CPA5: variants seen among roughly 807,000 people sequenced by gnomAD.
CPA5 encodes carboxypeptidase A5.
In CPA5, 38 loss-of-function variants were observed where a neutral mutation model predicts 52.2. That is an observed-to-expected ratio of 0.73 (90% CI 0.56 to 0.95). The LOEUF is 0.95. CPA5 is among the 40% of genes least tolerant of loss of function. The probability of loss-of-function intolerance (pLI) is 0.00; values close to 1 mark genes in which losing one functional copy is unlikely to be tolerated. For synonymous variants in CPA5, 198 were observed against 213.7 expected (o/e 0.93, Z 0.64); for missense variants, 519 against 566.7 (o/e 0.92, Z 0.86).
intron 5 of CPA5, among the ~76,000 whole-genome samples, chr7:130,350,400 G>A (rs782235903): frequency 2.6e-5 from 4 of 152,186 alleles, no homozygotes; most frequent in Non-Finnish European, 4.4e-5. Flanking sequence ...GGGGAGAAGG[G>A]AGACAGGAGG....
chr7:130,347,353 C>T (rs1584784363), intron 3 of CPA5, among the ~76,000 whole-genome samples: 1 of 152,336 alleles, frequency 6.6e-6, no homozygotes, highest in African/African-American at 2.4e-5. Context: ...GGCCCCCTCG[C>T]GAAGAGCCCT....
At position 130,352,700 on chromosome 7, in the gene CPA5, T is replaced by G. The variant is rs918222; in HGVS notation, c.333+2591T>G. Among the ~76,000 whole-genome samples the G allele has an allele frequency of 1.4e-4, 21 of 152,224 alleles. No individual in the cohort carries two copies. The East Asian group carries it at 2.5e-3, about 18-fold the overall frequency. ...CCACCCTGACAGTGACAGTGTTGAG[T>G]TGGGGACAGGACCAGGGAGAGACTG... On this transcript the variant is annotated intron_variant, in intron 5 of 12. Transcript: ENST00000474905.
intron 5 of CPA5, among the ~76,000 whole-genome samples, chr7:130,354,117 G>T (rs1455905764): frequency 1.3e-5 from 2 of 151,966 alleles, no homozygotes; most frequent in Non-Finnish European, 2.9e-5. Flanking sequence ...TTGTAGAGAT[G>T]GGGTCTGATT....
chr7:130,350,158 T>C (rs782349850), intron 5 of CPA5, 49 bp downstream of exon 5: 1 of 1,582,250 alleles, frequency 6.3e-7, no homozygotes, highest in East Asian at 2.3e-5. Context: ...TCCTTTCTGG[T>C]TGGGGCCCAA....
At position 130,361,236 on chromosome 7, in the gene CPA5, G is replaced by A; in HGVS notation, c.526G>A (p.Val176Ile). The A allele has an allele frequency of 6.2e-7, 1 of 1,610,954 alleles. No individual in the cohort carries two copies. The highest frequency in any genetic ancestry group is 8.5e-7 in the Non-Finnish European group (1 of 1,177,152). The change falls in exon 7 of 13, where the codon GTC (valine) becomes ATC (isoleucine). Residue 176 changes from valine to isoleucine, a missense_variant. By Grantham distance (29) the Val-to-Ile change is conservative. Transcript: ENST00000474905. ...CAGCTTTGAAAACCAGTCCATTCTT[G>A]TCCTGAAGGTAAAAGCCCACAATGT... ...GNSFENQSIL[V>I]LKFSTGGSRH...
rs782329781 is a variant in CPA5 at position 130,367,733 on chromosome 7, C to T, written c.1038+162C>T. 4.7e-5 allele frequency: 40 copies of T among 855,056 alleles called. 1 individual carries two copies. Among genetic ancestry groups the T allele is most frequent in the Middle Eastern group, 6.7e-4 (2 of 2,992 alleles). 53.0% of individuals were successfully genotyped at this position (855,056 alleles called of 1,614,324 possible). On this transcript the variant is annotated intron_variant, in intron 11 of 12. Coordinates refer to ENST00000474905, the MANE Select transcript of CPA5 (RefSeq NM_080385.5). ...GGGTAGGGGGAGCTTGCTGTTCTCA[C>T]GTGTGATCAAGTTCAAAGCTGGAAA...
chr7:130,345,562 A>T (rs1456845734), intron 1 of CPA5: 1 of 151,846 alleles, frequency 6.6e-6, no homozygotes, highest in Non-Finnish European at 1.5e-5. Flanking sequence ...TGAGAAATTG[A>T]CTCTGCTGTC....
At chr7:130,366,637 T>C (rs1395684923) in intron 10 of CPA5, among the ~76,000 whole-genome samples, 2 of 152,204 alleles carry the variant, frequency 1.3e-5, no homozygotes, top group East Asian at 1.9e-4. Flanking sequence ...CAGGCAACTA[T>C]GGGGAACTAT....
downstream of CPA5, among the ~76,000 whole-genome samples, chr7:130,369,938 T>C (rs1796276791): frequency 6.6e-6 from 1 of 152,164 alleles, no homozygotes; most frequent in African/African-American, 2.4e-5. Context: ...TGGGAGATGA[T>C]CAAAACCCCA....
At chr7:130,361,522 T>C (rs1324708837) in intron 7 of CPA5, among the ~76,000 whole-genome samples, 1 of 152,160 alleles carries the variant, frequency 6.6e-6, no homozygotes, top group Non-Finnish European at 1.5e-5. Flanking sequence ...GTTGTCACCC[T>C]GGACTTGGGG....
At chr7:130,356,205 C>T (rs182049349) in intron 5 of CPA5, among the ~76,000 whole-genome samples, 23 of 152,284 alleles carry the variant, frequency 1.5e-4, no homozygotes, top group East Asian at 1.4e-3. Flanking sequence ...TGCTCTCCTC[C>T]GCCTCAGCTT....
the CPA5 span, among the ~76,000 whole-genome samples, chr7:130,374,264 AT>A: frequency 2.0e-5 from 3 of 151,994 alleles, no homozygotes; most frequent in African/African-American, 7.2e-5. Context: ...GGGGCAAAAA[AT>A]GTCCTTCTGT....
chr7:130,346,353 A>C, intron 2 of CPA5, 40 bp from the exon 3 acceptor site: 1 of 602,714 alleles, frequency 1.7e-6, no homozygotes, highest in African/African-American at 1.9e-5. Context: ...TGTGGGAGCC[A>C]CATGCTGGGT....
rs1045855082 is a variant in CPA5, at chr7:130,345,224, C to T, written c.-152+19C>T. Reference sequence around the variant, plus strand: ...AGGGCAGGTGGGTGGGGGAGCAGGGCGTTCTGTCGATAAACGAGCTCCCTT... The same window carrying T: ...AGGGCAGGTGGGTGGGGGAGCAGGGTGTTCTGTCGATAAACGAGCTCCCTT... On this transcript the variant is annotated intron_variant, in intron 1 of 12. Transcript: ENST00000474905. 6.6e-6 allele frequency: 1 copy of T among 152,160 alleles called. No individual in the cohort carries two copies. Among genetic ancestry groups the T allele is most frequent in the Admixed American group, 6.5e-5 (1 of 15,272 alleles). 9.4% of individuals were successfully genotyped at this position (152,160 alleles called of 1,614,324 possible). A position where few individuals can be genotyped will look rare whatever the true frequency, so the allele number is the denominator to read the frequency against.
intron 4 of CPA5, among the ~76,000 whole-genome samples, chr7:130,349,412 C>T (rs1032474274): frequency 6.6e-6 from 1 of 151,466 alleles, no homozygotes; most frequent in Admixed American, 6.6e-5. Flanking sequence ...CCAGCCTGGG[C>T]GAAACTCCAT....
chr7:130,353,536 T>C (rs543282070), intron 5 of CPA5, among the ~76,000 whole-genome samples: 2 of 152,162 alleles, frequency 1.3e-5, no homozygotes, highest in African/African-American at 4.8e-5. Flanking sequence ...CCTTCATCGG[T>C]GCCTCCACAG....
chr7:130,357,410 T>A (rs1795539398), intron 5 of CPA5, among the ~76,000 whole-genome samples: 1 of 152,024 alleles, frequency 6.6e-6, no homozygotes, highest in South Asian at 2.1e-4. Context: ...TCACCTGAGG[T>A]TGGGAGTTCA....
chr7:130,359,126 C>T (rs572992921), intron 5 of CPA5, among the ~76,000 whole-genome samples: 1 of 152,296 alleles, frequency 6.6e-6, no homozygotes, highest in African/African-American at 2.4e-5. Context: ...GCACATGGTT[C>T]ACCTTGGGTC....
At chr7:130,363,287 T>TCCTGGCAATTCCTTC in intron 9 of CPA5, 132 bp from the exon 10 acceptor site, 1 of 703,152 alleles carries the variant, frequency 1.4e-6, no homozygotes, top group Non-Finnish European at 2.4e-6. Context: ...CCCCATCCTG[T>TCCTGGCAATTCCTTC]CCTGGCAATT....
Sources: gnomAD v4.1 joint callset for allele counts (sites outside exome capture counted in the v4.1 genomes callset) on GRCh38, gnomAD v4.1.1 for gene constraint, MANE v1.5 for transcripts, NCBI Gene and HGNC (gene_info 2026-07-23, HGNC 2026-07-21) for gene names.